CPQ: variants seen among roughly 807,000 people sequenced by gnomAD.
The protein encoded by CPQ is carboxypeptidase Q, also known as Ser-Met dipeptidase.
A neutral mutation model predicts 45.7 loss-of-function variants in CPQ; 37 were observed. The ratio of observed to expected loss-of-function variants is 0.81; its 90% CI spans 0.62 to 1.07. CPQ has a LOEUF of 1.07. Among genes scored for constraint, CPQ ranks in the 50% least tolerant of loss-of-function variants. CPQ has a pLI of 0.00. For missense variants in CPQ, 537 were observed against 572.9 expected (o/e 0.94, Z 0.64); for synonymous variants, 186 against 205.8 (o/e 0.90, Z 0.82).
intron 1 of CPQ, among the ~76,000 whole-genome samples, chr8:96,725,920 G>GAAA (rs1809832151): frequency 6.6e-6 from 1 of 152,088 alleles, no homozygotes; most frequent in African/African-American, 2.4e-5. Flanking sequence ...AATAAATAAT[G>GAAA]AAATTGTGTT....
In CPQ at chr8:96,898,469, G is replaced by A. The variant is rs138282266; in HGVS notation, c.849+18464G>A. 3.9e-3 allele frequency among the ~76,000 whole-genome samples: 600 copies of A among 152,138 alleles called. 1 individual carries two copies. Among genetic ancestry groups the A allele is most frequent in the African/African-American group, 0.014 (565 of 41,518 alleles). On this transcript the variant is annotated intron_variant, in intron 4 of 7. Transcript: ENST00000220763. ...ATGCAGAATCACTGAAAGTGCTTGCGAAGAATATCCAACTATTCAAATTAT... is the reference window on the plus strand; with the variant it reads ...ATGCAGAATCACTGAAAGTGCTTGCAAAGAATATCCAACTATTCAAATTAT...
chr8:96,889,706 A>C (rs779466008), intron 4 of CPQ, among the ~76,000 whole-genome samples: 1 of 152,174 alleles, frequency 6.6e-6, no homozygotes, highest in Non-Finnish European at 1.5e-5. Flanking sequence ...GCCCTTGGCA[A>C]ACCACTACTC....
In CPQ at chr8:96,809,580, C is replaced by CA. The variant is rs566488517; in HGVS notation, c.433+24250_433+24251insA. Among the ~76,000 whole-genome samples, 277 of 152,052 alleles carry CA rather than the reference C, an allele frequency of 1.8e-3. 2 individuals carry two copies. Among genetic ancestry groups the CA allele is most frequent in the African/African-American group, 6.5e-3 (269 of 41,486 alleles). ...AAATCAGATAGTGGTTTTCAGGGGC[C>CA]GGGGTCAGGGGAGAGATTGGCTGTA... is the stretch of plus-strand genomic sequence containing the variant. On this transcript the variant is annotated intron_variant, in intron 2 of 7. Transcript: ENST00000220763.
chr8:96,751,783 C>T (rs1244183794), intron 1 of CPQ, among the ~76,000 whole-genome samples: 3 of 151,966 alleles, frequency 2.0e-5, no homozygotes, highest in Non-Finnish European at 4.4e-5. Flanking sequence ...TTTACATTTA[C>T]ATCTTTAATC....
At chr8:96,800,825 C>T (rs1051608732) in intron 2 of CPQ, among the ~76,000 whole-genome samples, 2 of 152,010 alleles carry the variant, frequency 1.3e-5, no homozygotes, top group African/African-American at 4.8e-5. Flanking sequence ...GAGTTTTCTA[C>T]TTAGGACATT....
chr8:96,686,596 G>A (rs114196449), intron 1 of CPQ, among the ~76,000 whole-genome samples: 3,151 of 151,878 alleles, frequency 0.021, 123 homozygotes, highest in African/African-American at 0.072. Flanking sequence ...GATTCTATTT[G>A]CAAATACTCA....
At chr8:97,042,434 C>A (rs1323279139) in intron 6 of CPQ, among the ~76,000 whole-genome samples, 1 of 152,062 alleles carries the variant, frequency 6.6e-6, no homozygotes, top group Non-Finnish European at 1.5e-5. Flanking sequence ...TTCAAAAAAC[C>A]AGCTCCTGGA....
chr8:96,939,006 CT>C (rs1463043235), intron 4 of CPQ, among the ~76,000 whole-genome samples: 1 of 152,102 alleles, frequency 6.6e-6, no homozygotes, highest in Admixed American at 6.6e-5. Flanking sequence ...TATTCATTGG[CT>C]GCTTAGTATT....
At chr8:97,002,016 T>G (rs1809292420) in intron 5 of CPQ, among the ~76,000 whole-genome samples, 2 of 152,048 alleles carry the variant, frequency 1.3e-5, no homozygotes, top group Admixed American at 6.6e-5. Context: ...TATCCAGGAA[T>G]TTATTCATTT....
intron 1 of CPQ, among the ~76,000 whole-genome samples, chr8:96,744,174 C>A (rs1810140382): frequency 6.6e-6 from 1 of 152,254 alleles, no homozygotes; most frequent in Non-Finnish European, 1.5e-5. Context: ...GATATAATCT[C>A]CTGGTTCGCC....
chr8:96,656,916 C>T (rs928931680), intron 1 of CPQ, among the ~76,000 whole-genome samples: 1 of 152,076 alleles, frequency 6.6e-6, no homozygotes, highest in African/African-American at 2.4e-5. Context: ...GAGGTCTAGC[C>T]ATGTCATTAC....
intron 4 of CPQ, among the ~76,000 whole-genome samples, chr8:96,885,597 A>G (rs1266993172): frequency 6.6e-6 from 1 of 152,210 alleles, no homozygotes; most frequent in African/African-American, 2.4e-5. Context: ...GGTAAATATC[A>G]GCTTTAGAAA....
rs145659630 is a variant in CPQ at position 97,016,114 on chromosome 8, T to G, written c.962-13289T>G. ...TAAAAATAAAATAATTAAAGAGAGC[T>G]CCCAGAGTTTAAAATGTAAATACCT... On this transcript the variant is annotated intron_variant, in intron 5 of 7. Coordinates refer to ENST00000220763, the MANE Select transcript of CPQ (RefSeq NM_016134.4). Among the ~76,000 whole-genome samples, 154 of 152,242 alleles carry G rather than the reference T, an allele frequency of 1.0e-3. 1 individual carries two copies. Among genetic ancestry groups the G allele is most frequent in the African/African-American group, 3.6e-3 (148 of 41,582 alleles).
At chr8:96,873,163 A>C (rs1812100234) in intron 3 of CPQ, among the ~76,000 whole-genome samples, 1 of 151,812 alleles carries the variant, frequency 6.6e-6, no homozygotes, top group East Asian at 1.9e-4. Flanking sequence ...ATATCGGTTG[A>C]GTTTTGTTCA....
At chr8:96,689,594 T>C (rs968221345) in intron 1 of CPQ, among the ~76,000 whole-genome samples, 1 of 152,194 alleles carries the variant, frequency 6.6e-6, no homozygotes, top group Non-Finnish European at 1.5e-5. Context: ...TAAAAAAAGT[T>C]TGTCAGCAGT....
chr8:96,986,463 A>AT (rs541829817), intron 5 of CPQ, among the ~76,000 whole-genome samples: 24 of 151,382 alleles, frequency 1.6e-4, no homozygotes, highest in East Asian at 3.9e-4. Context: ...TTTTATACGG[A>AT]TTTTTTTTTG....
chr8:97,095,056 T>G (rs1811187839), intron 7 of CPQ, among the ~76,000 whole-genome samples: 1 of 152,140 alleles, frequency 6.6e-6, no homozygotes, highest in Non-Finnish European at 1.5e-5. Flanking sequence ...TTTTCATTCC[T>G]TTTTCGCTTC....
At chr8:96,825,806 A>G (rs1167888582) in intron 2 of CPQ, among the ~76,000 whole-genome samples, 2 of 152,150 alleles carry the variant, frequency 1.3e-5, no homozygotes, top group South Asian at 2.1e-4. Flanking sequence ...GACACACTTA[A>G]AATTTTAAGC....
rs1812316246 is a variant in CPQ, at chr8:96,887,150, A to G, written c.849+7145A>G. Among the ~76,000 whole-genome samples the G allele has an allele frequency of 2.6e-5, 4 of 152,172 alleles. No homozygotes were observed. In the South Asian group the frequency reaches 8.3e-4, roughly 32 times the overall value. On this transcript the variant is annotated intron_variant, in intron 4 of 7. Transcript: ENST00000220763. ...CTTCACCAATCAGCTACTCAGGTCC[A>G]TCTTTATCAGAGGGCAACAGAAAAA...
Sources: allele counts gnomAD v4.1 joint callset (sites outside exome capture counted in the v4.1 genomes callset), GRCh38; gene constraint gnomAD v4.1.1; transcripts MANE v1.5; gene names NCBI Gene and HGNC (gene_info 2026-07-23, HGNC 2026-07-21).